Variants in FAM118B observed in about 807,000 individuals in gnomAD.
The protein encoded by FAM118B is protein FAM118B.
Under a neutral mutation model 38.5 loss-of-function variants are expected in FAM118B, and 24 were observed. That is an observed-to-expected ratio of 0.62 (90% CI 0.45 to 0.88). The LOEUF (loss-of-function observed/expected upper bound fraction) is 0.88. Among genes scored for constraint, FAM118B ranks in the 40% least tolerant of loss-of-function variants. The pLI is 0.00. For missense variants in FAM118B, 334 were observed against 420.0 expected, an observed-to-expected ratio of 0.80 and a Z score of 1.79; for synonymous variants, 138 against 156.3, an observed-to-expected ratio of 0.88 and a Z score of 0.87.
chr11:126,211,731 G>C, upstream of FAM118B: 1 of 1,430,840 alleles, frequency 7.0e-7, no homozygotes, highest in Non-Finnish European at 9.4e-7. Context: ...CACGTGGTGC[G>C]GGGTGGGGCC....
At chr11:126,224,527 A>C (rs77174391) in intron 1 of FAM118B, among the ~76,000 whole-genome samples, 1 of 150,686 alleles carries the variant, frequency 6.6e-6, no homozygotes, top group South Asian at 2.1e-4. Flanking sequence ...TAGTACTAAT[A>C]ATTGGTATGT....
intron 7 of FAM118B, among the ~76,000 whole-genome samples, chr11:126,259,955 C>T (rs963305035): frequency 2.0e-5 from 3 of 151,870 alleles, no homozygotes; most frequent in Admixed American, 6.6e-5. Context: ...CTCCTGACCT[C>T]GTGATCCACC....
chr11:126,237,851 G>A (rs146728778), intron 3 of FAM118B, among the ~76,000 whole-genome samples: 14,784 of 132,414 alleles, frequency 0.11, 1,047 homozygotes, highest in Non-Finnish European at 0.16. Flanking sequence ...GCTAGACTCC[G>A]TCTCCAAAAA....
At chr11:126,220,715 CTGA>C (rs1296578919) in intron 1 of FAM118B, among the ~76,000 whole-genome samples, 1 of 152,120 alleles carries the variant, frequency 6.6e-6, no homozygotes, top group Non-Finnish European at 1.5e-5. Context: ...ACAAAAAAGA[CTGA>C]TGCTACCTGC....
At chr11:126,221,073 G>C (rs1200540809) in intron 1 of FAM118B, among the ~76,000 whole-genome samples, 1 of 152,166 alleles carries the variant, frequency 6.6e-6, no homozygotes, top group Admixed American at 6.5e-5. Context: ...TGTAATCCCA[G>C]CTACTTGGGA....
chr11:126,249,731 C>CAAAAAA lies in FAM118B; in HGVS notation c.340-757_340-752dup, dbSNP rs71048775. Among the ~76,000 whole-genome samples, 233 of 78,372 alleles carry CAAAAAA rather than the reference C, an allele frequency of 3.0e-3. 2 individuals are homozygous for CAAAAAA. The highest frequency in any genetic ancestry group is 0.018 in the Middle Eastern group (2 of 110). The allele number at this position is 78,372 out of a possible 152,430, so 51.4% of individuals were successfully genotyped here. On this transcript the variant is annotated intron_variant, in intron 4 of 8. Transcript: ENST00000533050. Reference sequence around the variant, plus strand: ...TGGGTGACAGAATGAGACTCCGTCTCAAAAAAAAAAAAAAAAAAAAAAAGA... The same window carrying CAAAAAA: ...TGGGTGACAGAATGAGACTCCGTCTCAAAAAAAAAAAAAAAAAAAAAAAAAAAAAGA...
In FAM118B at chr11:126,250,586, T is replaced by A; in HGVS notation, c.420T>A (p.Asp140Glu). ...ATGACTTGGAGTCAAAGATGGAAGA[T>A]TCTGGAAAACAGCTACTTCAGTCAG... ...VFDDLESKMEDSGKQLLQSVL... is the reference protein window; with the variant it reads ...VFDDLESKMEESGKQLLQSVL... Residue 140 changes from aspartate to glutamate, a missense_variant, in exon 5 of 9, where the codon GAT (aspartate) becomes GAA (glutamate). Around this residue, in one of 3 missense-constraint regions of FAM118B, gnomAD observed 240 missense variants for 295.9 expected, o/e 0.81. Coordinates refer to ENST00000533050, the MANE Select transcript of FAM118B (RefSeq NM_024556.4). The surrounding 1 kb of genome is among the most constrained non-coding windows in gnomAD (Gnocchi z 5.1). 1 of 1,614,108 alleles carries A rather than the reference T, an allele frequency of 6.2e-7. No individual in the cohort carries two copies. Among genetic ancestry groups the A allele is most frequent in the Non-Finnish European group, 8.5e-7 (1 of 1,179,946 alleles).
chr11:126,258,048 G>A (rs1950608115), intron 7 of FAM118B, among the ~76,000 whole-genome samples: 1 of 152,166 alleles, frequency 6.6e-6, no homozygotes. Context: ...TGGCTGTTGT[G>A]CACAGAATAT....
intron 1 of FAM118B, among the ~76,000 whole-genome samples, chr11:126,218,069 A>T (rs1393057540): frequency 3.9e-5 from 6 of 152,208 alleles, no homozygotes; most frequent in South Asian, 2.1e-4. Context: ...TTGATTCTGG[A>T]AATTCACGTC....
chr11:126,221,054 G>C (rs907879735), intron 1 of FAM118B, among the ~76,000 whole-genome samples: 1 of 152,178 alleles, frequency 6.6e-6, no homozygotes, highest in South Asian at 2.1e-4. Flanking sequence ...AAACATGGTG[G>C]CGTGGGCCTG....
intron 4 of FAM118B, among the ~76,000 whole-genome samples, chr11:126,246,513 G>A (rs1189655240): frequency 1.3e-5 from 2 of 152,206 alleles, no homozygotes; most frequent in Non-Finnish European, 2.9e-5. Flanking sequence ...TGAAGAATAG[G>A]TGAGATAATG....
chr11:126,227,207 C>A lies in FAM118B; in HGVS notation c.-76-2018C>A, dbSNP rs676647. Among the ~76,000 whole-genome samples the A allele has an allele frequency of 3.8e-3, 585 of 151,988 alleles. 1 individual carries two copies. The highest frequency in any genetic ancestry group is 6.3e-3 in the Non-Finnish European group (429 of 67,956). ...CCTCTCGAATAGCTGGGACTACAGG[C>A]ACCCACCACCATGCCCAGCTGATTT... On this transcript the variant is annotated intron_variant, in intron 1 of 8. Coordinates refer to ENST00000533050, the MANE Select transcript of FAM118B (RefSeq NM_024556.4).
chr11:126,226,755 C>T (rs1950147175), intron 1 of FAM118B, among the ~76,000 whole-genome samples: 1 of 152,042 alleles, frequency 6.6e-6, no homozygotes, highest in Non-Finnish European at 1.5e-5. Context: ...CTGAGGCAGG[C>T]GGATCACTTG....
At chr11:126,230,133 T>C (rs1248515088) in intron 2 of FAM118B, among the ~76,000 whole-genome samples, 3 of 152,190 alleles carry the variant, frequency 2.0e-5, no homozygotes, top group South Asian at 4.1e-4. Flanking sequence ...CTAGACATGA[T>C]TCCTGTCTCC....
At chr11:126,227,300 T>C (rs1950156182) in intron 1 of FAM118B, among the ~76,000 whole-genome samples, 1 of 152,058 alleles carries the variant, frequency 6.6e-6, no homozygotes, top group African/African-American at 2.4e-5. Context: ...TGACCTCAGA[T>C]GATCCACCTG....
chr11:126,214,606 T>C (rs1343698328), intron 1 of FAM118B: 1 of 149,870 alleles, frequency 6.7e-6, no homozygotes, highest in East Asian at 2.0e-4. Flanking sequence ...TCTGCGCCAA[T>C]GTCACAGTCC....
In FAM118B at chr11:126,262,346, T is replaced by A. The variant is rs1950718327; in HGVS notation, c.*213T>A. 6.8e-5 allele frequency: 32 copies of A among 471,018 alleles called. No homozygotes were observed. The highest frequency in any genetic ancestry group is 4.0e-4 in the Middle Eastern group (1 of 2,484). The allele number at this position is 471,018 out of a possible 1,614,324, so 29.2% of individuals were successfully genotyped here. On this transcript the variant is annotated 3_prime_UTR_variant, in exon 9 of 9. Transcript: ENST00000533050. ...TCTGCCGCCTGTTCAAGTTCAAGAA[T>A]AAAAGCGACAGCAGGACCCAAATGC...
chr11:126,239,123 G>A (rs1032154116), intron 3 of FAM118B, among the ~76,000 whole-genome samples: 1 of 151,922 alleles, frequency 6.6e-6, no homozygotes, highest in Non-Finnish European at 1.5e-5. Flanking sequence ...CTACAGACGT[G>A]CCTAATTTTC....
chr11:126,223,412 C>T (rs896931785), intron 1 of FAM118B, among the ~76,000 whole-genome samples: 4 of 151,780 alleles, frequency 2.6e-5, no homozygotes, highest in African/African-American at 7.3e-5. Flanking sequence ...TCCTGGCTAA[C>T]ACGGTGAAAC....
Sources: gnomAD v4.1 joint callset for allele counts (sites outside exome capture counted in the v4.1 genomes callset) on GRCh38, gnomAD v4.1.1 for gene constraint, gnomAD v4.1.1 regional missense constraint, Gnocchi (gnomAD v3.1) non-coding constraint, MANE v1.5 for transcripts, NCBI Gene and HGNC (gene_info 2026-07-23, HGNC 2026-07-21) for gene names.